Variants in COL4A2 observed in about 807,000 individuals in gnomAD.
The protein encoded by COL4A2 is collagen alpha-2(IV) chain.
Under a neutral mutation model 200.2 loss-of-function variants are expected in COL4A2, and 99 were observed. The ratio of observed to expected loss-of-function variants is 0.49; its 90% CI spans 0.42 to 0.58. The LOEUF (loss-of-function observed/expected upper bound fraction) is 0.58, where lower values mean the gene tolerates loss of function less well. Among genes scored for constraint, COL4A2 ranks in the 20% least tolerant of loss-of-function variants. The probability of loss-of-function intolerance (pLI) is 0.00; values close to 1 mark genes in which losing one functional copy is unlikely to be tolerated. For missense variants in COL4A2, 1,950 were observed against 2,314.1 expected (o/e 0.84, Z 3.23); for synonymous variants, 897 against 900.6 (o/e 1.00, Z 0.07).
intron 3 of COL4A2, chr13:110,328,665 T>C (rs997435866): frequency 1.3e-5 from 2 of 152,262 alleles, no homozygotes; most frequent in African/African-American, 2.4e-5. Flanking sequence ...GGGCTCGTTC[T>C]AGACCAGCTT....
chr13:110,385,097 C>T (rs1878634774), intron 4 of COL4A2, among the ~76,000 whole-genome samples: 1 of 152,132 alleles, frequency 6.6e-6, no homozygotes, highest in South Asian at 2.1e-4. Context: ...ACACTGTCTA[C>T]TAAAAATAGA....
chr13:110,462,176 C>G lies in COL4A2; in HGVS notation c.1659C>G (p.Ile553Met). 1 of 1,614,282 alleles carries G rather than the reference C, an allele frequency of 6.2e-7. No homozygotes were observed. Among genetic ancestry groups the G allele is most frequent in the Non-Finnish European group, 8.5e-7 (1 of 1,180,054 alleles). Residue 553 changes from isoleucine (I) to methionine (M), a missense_variant, in exon 23 of 48, where the codon ATC becomes ATG. Physicochemically the swap from Ile to Met is conservative, Grantham distance 10. This residue lies in a region of COL4A2 where 1,385 missense variants were observed against 1,720.5 expected (regional missense o/e 0.80). Transcript: ENST00000360467. ...PKGAKGDSRTITTKGERGQPG... is the reference protein window; with the variant it reads ...PKGAKGDSRTMTTKGERGQPG... ...GAGCAAAAGGAGATTCCAGAACAAT[C>G]ACAACCAAAGGTGAGTTCCTCTCTG...
Position 110,507,948 on chromosome 13 carries a change from C to T in COL4A2, c.4608C>T (p.Ser1536=). The T allele has an allele frequency of 6.2e-7, 1 of 1,613,684 alleles. No individual in the cohort carries two copies. The highest frequency in any genetic ancestry group is 8.5e-7 in the Non-Finnish European group (1 of 1,179,712). ...CTCCTTCCACAGGGCTGGCGGGCTC[C>T]TGCCTGGCGCGGTTCAGCACCATGC... ...AHNQDLGLAG[S]CLARFSTMPF... Residue 1536 remains serine (S), a synonymous_variant, in exon 47 of 48, where the codon TCC becomes TCT. Transcript: ENST00000360467.
intron 28 of COL4A2, 34 bp downstream of exon 28, chr13:110,469,358 G>A: frequency 1.3e-6 from 2 of 1,547,382 alleles, no homozygotes; most frequent in East Asian, 4.8e-5. Context: ...TCAGCCCCTG[G>A]GTTCCAGCGG....
At chr13:110,347,704 G>A (rs751301964) in intron 3 of COL4A2, among the ~76,000 whole-genome samples, 22 of 152,242 alleles carry the variant, frequency 1.4e-4, no homozygotes, top group East Asian at 3.8e-4. Context: ...AGTCCTGCCC[G>A]TCAGGACCCA....
chr13:110,411,795 G>A (rs1165857250), intron 4 of COL4A2, among the ~76,000 whole-genome samples: 2 of 152,238 alleles, frequency 1.3e-5, no homozygotes, highest in Non-Finnish European at 2.9e-5. Flanking sequence ...GGAAGTCTGT[G>A]TGGATGACAA....
chr13:110,479,859 G>A (rs576162434), intron 30 of COL4A2, among the ~76,000 whole-genome samples: 157 of 152,304 alleles, frequency 1.0e-3, no homozygotes, highest in Non-Finnish European at 1.7e-3. Flanking sequence ...TGATGTTCGC[G>A]AGGAACAGGC....
At chr13:110,465,818 A>G in intron 25 of COL4A2, among the ~76,000 whole-genome samples, 185 bp from the exon 26 acceptor site, 1 of 152,206 alleles carries the variant, frequency 6.6e-6, no homozygotes, top group East Asian at 1.9e-4. Context: ...CTGTAGGACT[A>G]CAGTGACAGA....
At chr13:110,323,821 G>C (rs1885339541) in intron 3 of COL4A2, among the ~76,000 whole-genome samples, 1 of 152,242 alleles carries the variant, frequency 6.6e-6, no homozygotes, top group Non-Finnish European at 1.5e-5. Context: ...GGAGGAAAGA[G>C]AGAGGGAAAG....
intron 4 of COL4A2, among the ~76,000 whole-genome samples, chr13:110,404,101 T>C (rs1278055533): frequency 6.6e-6 from 1 of 152,166 alleles, no homozygotes; most frequent in African/African-American, 2.4e-5. Context: ...GCCAACACAC[T>C]GGGGATCAGA....
intron 3 of COL4A2, among the ~76,000 whole-genome samples, chr13:110,343,067 G>T (rs1163899112): frequency 2.0e-5 from 3 of 152,184 alleles, no homozygotes; most frequent in African/African-American, 7.2e-5. Flanking sequence ...ACAGAGGTTA[G>T]CGTCCAAAAC....
At chr13:110,456,797 C>G (rs1163648188) in intron 20 of COL4A2, 11 of 480,962 alleles carry the variant, frequency 2.3e-5, no homozygotes, top group Admixed American at 1.9e-4. Context: ...GGATGCCGGG[C>G]ACCCATGGTG....
chr13:110,427,665 A>G (rs754850497), intron 6 of COL4A2, among the ~76,000 whole-genome samples: 4 of 152,236 alleles, frequency 2.6e-5, no homozygotes, highest in Non-Finnish European at 5.9e-5. Context: ...CATAAATTAT[A>G]GATTATTAAC....
chr13:110,331,170 T>C (rs952884186), intron 3 of COL4A2, among the ~76,000 whole-genome samples: 27 of 152,186 alleles, frequency 1.8e-4, no homozygotes, highest in Non-Finnish European at 7.3e-5. Flanking sequence ...TCTTAAAATA[T>C]GCCAATAAAA....
Position 110,478,012 on chromosome 13 carries a change from G to T in COL4A2, c.2435G>T (p.Gly812Val). The change falls in exon 30 of 48, where the codon GGG becomes GTG. Residue 812 changes from glycine to valine, a missense_variant. By Grantham distance (109) the Gly-to-Val change is moderately radical (BLOSUM62 -3). Coordinates refer to ENST00000360467, the MANE Select transcript of COL4A2 (RefSeq NM_001846.4). ...TCTCTGATTCCTGCAGGAAGCCAAG[G>T]GATGCCTGGGATGCCAGGGCTGAAG... The part of the protein sequence containing the change: ...RGPPGFRGSQ[G>V]MPGMPGLKGQ... 1 of 1,566,858 alleles carries T rather than the reference G, an allele frequency of 6.4e-7. No individual in the cohort carries two copies. Among genetic ancestry groups the T allele is most frequent in the Non-Finnish European group, 8.7e-7 (1 of 1,153,596 alleles).
intron 3 of COL4A2, among the ~76,000 whole-genome samples, chr13:110,351,484 TC>T (rs1876960107): frequency 6.6e-6 from 1 of 152,222 alleles, no homozygotes; most frequent in African/African-American, 2.4e-5. Context: ...CTTCATCTCT[TC>T]CTTGCAGCTC....
intron 4 of COL4A2, among the ~76,000 whole-genome samples, chr13:110,413,745 G>T (rs1879938208): frequency 6.6e-6 from 1 of 152,194 alleles, no homozygotes; most frequent in South Asian, 2.1e-4. Flanking sequence ...TCTCTCAGAG[G>T]CCCCCTTACC....
intron 4 of COL4A2, among the ~76,000 whole-genome samples, chr13:110,379,059 CG>C (rs1236150639): frequency 2.0e-5 from 3 of 152,178 alleles, no homozygotes; most frequent in Non-Finnish European, 4.4e-5. Context: ...TCCGCAGGCA[CG>C]GAGAAGACTG....
At chr13:110,421,088 C>A (rs1425914534) in intron 4 of COL4A2, among the ~76,000 whole-genome samples, 1 of 152,166 alleles carries the variant, frequency 6.6e-6, no homozygotes, top group African/African-American at 2.4e-5. Flanking sequence ...AATGGAAAAT[C>A]ACAGGTATTG....
Sources: gnomAD v4.1 joint callset for allele counts (sites outside exome capture counted in the v4.1 genomes callset) on GRCh38, gnomAD v4.1.1 for gene constraint, gnomAD v4.1.1 regional missense constraint, MANE v1.5 for transcripts, NCBI Gene and HGNC (gene_info 2026-07-23, HGNC 2026-07-21) for gene names.